Variants in DNAJB6 observed in about 807,000 individuals in gnomAD.
DNAJB6 encodes DnaJ heat shock protein family (Hsp40) member B6, also known as dnaJ homolog subfamily B member 6.
DNAJB6 carries 16 observed loss-of-function variants against 42.7 expected under a neutral mutation model. The observed-to-expected ratio is 0.37, with a 90% CI of 0.25 to 0.57. The LOEUF is 0.57. Ranked by LOEUF, DNAJB6 falls within the 20% of genes least tolerant of loss-of-function variation. DNAJB6 has a pLI of 0.74. For missense variants in DNAJB6, 347 were observed against 416.8 expected, an observed-to-expected ratio of 0.83 and a Z score of 1.46; for synonymous variants, 170 against 163.5, an observed-to-expected ratio of 1.04 and a Z score of -0.30.
chr7:157,406,264 C>T (rs1028637753), intron 8 of DNAJB6, among the ~76,000 whole-genome samples: 8 of 152,256 alleles, frequency 5.3e-5, no homozygotes, highest in African/African-American at 1.9e-4. Flanking sequence ...CGTGACTCCC[C>T]AGGTGATGCC....
At chr7:157,401,713 G>C (rs1038258518) in intron 8 of DNAJB6, among the ~76,000 whole-genome samples, 5 of 152,240 alleles carry the variant, frequency 3.3e-5, no homozygotes, top group African/African-American at 1.2e-4. Context: ...GGAGAGAGCT[G>C]TGACGTGAAG....
In DNAJB6 at chr7:157,416,241, A is replaced by G; in HGVS notation, c.*143A>G. 4 of 1,363,990 alleles carry G rather than the reference A, an allele frequency of 2.9e-6. No individual in the cohort carries two copies. The highest frequency in any genetic ancestry group is 4.0e-6 in the Non-Finnish European group (4 of 1,001,702). The allele number at this position is 1,363,990 out of a possible 1,614,324, so 84.5% of individuals were successfully genotyped here. ...GCTCGGCAGGATTATGCGATCACGG[A>G]TCAGTCAGAGCAGGGTCAGGAGACG... On this transcript the variant is annotated 3_prime_UTR_variant, in exon 10 of 10. Coordinates refer to ENST00000262177, the MANE Select transcript of DNAJB6 (RefSeq NM_058246.4).
At chr7:157,382,445 CTT>C (rs1433483435) in intron 6 of DNAJB6, 68 bp downstream of exon 6, 23 of 1,496,626 alleles carry the variant, frequency 1.5e-5, no homozygotes, top group Non-Finnish European at 2.0e-5. Flanking sequence ...TCATAATACT[CTT>C]TTAGTTAGAG....
At position 157,363,199 on chromosome 7, in the gene DNAJB6, A is replaced by G; in HGVS notation, c.104A>G (p.Asn35Ser). 6.2e-7 allele frequency: 1 copy of G among 1,611,404 alleles called. No homozygotes were observed. The highest frequency in any genetic ancestry group is 8.5e-7 in the Non-Finnish European group (1 of 1,178,888). ...KLALKWHPDK[N>S]PENKEEAERK... ...GCACTGAAGTGGCATCCAGATAAAA[A>G]TCCTGAGAATAAAGAAGAAGCAGAG... Residue 35 changes from asparagine to serine, a missense_variant, in exon 3 of 10, where the codon AAT (asparagine) becomes AGT (serine). Transcript: ENST00000262177.
intron 2 of DNAJB6, among the ~76,000 whole-genome samples, chr7:157,361,448 C>T (rs1156260466): frequency 2.6e-5 from 4 of 152,268 alleles, no homozygotes; most frequent in Admixed American, 6.5e-5. Context: ...TGAGCCACTG[C>T]GCCCGGCTGC....
intron 8 of DNAJB6, among the ~76,000 whole-genome samples, chr7:157,394,793 G>C (rs1801505589): frequency 6.6e-6 from 1 of 151,968 alleles, no homozygotes; most frequent in Admixed American, 6.5e-5. Flanking sequence ...TCTCAGCGGA[G>C]CTTAGAACCA....
intron 9 of DNAJB6, among the ~76,000 whole-genome samples, chr7:157,415,744 G>A (rs1796092792): frequency 6.6e-6 from 1 of 152,148 alleles, no homozygotes; most frequent in African/African-American, 2.4e-5. Context: ...GGTAGTCCCA[G>A]GGTGGGCTTT....
chr7:157,353,985 C>T (rs1046945129), intron 1 of DNAJB6, among the ~76,000 whole-genome samples: 7 of 151,812 alleles, frequency 4.6e-5, no homozygotes, highest in African/African-American at 1.7e-4. Flanking sequence ...TTTTGGATAG[C>T]TTTTTAAATT....
chr7:157,361,907 T>G (rs1442613076), intron 2 of DNAJB6, among the ~76,000 whole-genome samples: 2 of 152,154 alleles, frequency 1.3e-5, no homozygotes, highest in Non-Finnish European at 2.9e-5. Context: ...TAGCTGGGAT[T>G]ACAGGTGCGT....
chr7:157,405,208 G>A (rs188239937), intron 8 of DNAJB6, among the ~76,000 whole-genome samples: 30 of 152,318 alleles, frequency 2.0e-4, no homozygotes, highest in African/African-American at 3.4e-4. Flanking sequence ...ATACAAGGAC[G>A]TGTTGTGCAA....
chr7:157,370,920 A>C (rs3779589), intron 5 of DNAJB6: 62,200 of 152,420 alleles, frequency 0.41, 14,172 homozygotes, highest in Middle Eastern at 0.56. Context: ...ATTTCCGCTT[A>C]TTCATGATGT....
intron 1 of DNAJB6, among the ~76,000 whole-genome samples, chr7:157,350,156 C>T (rs993126956): frequency 5.3e-5 from 8 of 152,086 alleles, no homozygotes; most frequent in African/African-American, 1.9e-4. Flanking sequence ...AGCTGTGGGT[C>T]TTGTTATCTT....
chr7:157,342,333 ATTTTTT>A (rs11329531), intron 1 of DNAJB6, among the ~76,000 whole-genome samples: 40 of 60,422 alleles, frequency 6.6e-4, no homozygotes, highest in Non-Finnish European at 9.4e-4. Flanking sequence ...ATCCTGGCTA[ATTTTTT>A]TTTTTTTTTT....
chr7:157,366,781 AATTTGTAACC>A (rs1365494578), intron 4 of DNAJB6, among the ~76,000 whole-genome samples: 2 of 152,274 alleles, frequency 1.3e-5, no homozygotes, highest in Admixed American at 6.5e-5. Context: ...AGATAGAAAC[AATTTGTAACC>A]ATACTGCAAT....
chr7:157,391,616 C>A (rs1801345233), intron 8 of DNAJB6, among the ~76,000 whole-genome samples: 1 of 152,204 alleles, frequency 6.6e-6, no homozygotes, highest in South Asian at 2.1e-4. Context: ...TTGTCCCCAT[C>A]CATGGCGGAT....
At chr7:157,375,632 G>A (rs1040524041) in intron 5 of DNAJB6, among the ~76,000 whole-genome samples, 6 of 152,222 alleles carry the variant, frequency 3.9e-5, no homozygotes, top group Non-Finnish European at 8.8e-5. Context: ...TTCTCAGGGC[G>A]TGCACTTCAG....
intron 5 of DNAJB6, among the ~76,000 whole-genome samples, chr7:157,376,098 C>T (rs1013179374): frequency 1.6e-4 from 25 of 152,108 alleles, no homozygotes; most frequent in African/African-American, 4.3e-4. Flanking sequence ...CCCTTCGCTT[C>T]GTTGTGAAGC....
rs190045030 is a variant in DNAJB6, at chr7:157,355,426, G to C, written c.-26-3121G>C. 4.6e-3 allele frequency among the ~76,000 whole-genome samples: 707 copies of C among 152,278 alleles called. 6 individuals are homozygous for C. Among genetic ancestry groups the C allele is most frequent in the African/African-American group, 0.016 (675 of 41,548 alleles). Reference sequence around the variant, plus strand: ...CTGCCCGCCTCGGCCTCCCAAAGTGGTGGGATTACAGGCGTGAGCCACCGC... The same window carrying C: ...CTGCCCGCCTCGGCCTCCCAAAGTGCTGGGATTACAGGCGTGAGCCACCGC... On this transcript the variant is annotated intron_variant, in intron 1 of 9. Transcript: ENST00000262177.
rs756943262 is a variant in DNAJB6 at position 157,382,392 on chromosome 7, G to A, written c.478+15G>A. On this transcript the variant is annotated intron_variant, in intron 6 of 9. Coordinates refer to ENST00000262177, the MANE Select transcript of DNAJB6 (RefSeq NM_058246.4). ...TTTTGATACAGGTATTAAATCCCTA[G>A]GTTTAATCTCTGTTATCTTAACAGC... 4 of 1,593,310 alleles carry A rather than the reference G, an allele frequency of 2.5e-6. No individual in the cohort carries two copies. The South Asian group carries it at 3.4e-5, about 14-fold the overall frequency.
Sources: allele counts gnomAD v4.1 joint callset (sites outside exome capture counted in the v4.1 genomes callset), GRCh38; gene constraint gnomAD v4.1.1; transcripts MANE v1.5; gene names NCBI Gene and HGNC (gene_info 2026-07-23, HGNC 2026-07-21).